MYH9: variants seen among roughly 807,000 people sequenced by gnomAD.
MYH9 encodes the protein myosin-9.
A neutral mutation model predicts 241.9 loss-of-function variants in MYH9; 29 were observed. The ratio of observed to expected loss-of-function variants is 0.12; its 90% CI spans 0.09 to 0.16. MYH9 has a LOEUF of 0.16. Among genes scored for constraint, MYH9 ranks in the 10% least tolerant of loss-of-function variants. The pLI is 1.00. For missense variants in MYH9, 1,803 were observed against 2,595.5 expected (o/e 0.69, Z 6.63); for synonymous variants, 1,047 against 1,062.6 (o/e 0.99, Z 0.29).
At chr22:36,377,106 T>G (rs2018180880) in intron 1 of MYH9, among the ~76,000 whole-genome samples, 2 of 151,352 alleles carry the variant, frequency 1.3e-5, no homozygotes, top group East Asian at 3.9e-4. Context: ...TGAACCCCAT[T>G]TGTGCAATAA....
In MYH9 at chr22:36,320,934, A is replaced by C. The variant is rs751481219; in HGVS notation, c.770-38T>G. On this transcript the variant is annotated intron_variant, in intron 7 of 40. Coordinates refer to ENST00000216181, the MANE Select transcript of MYH9 (RefSeq NM_002473.6). The surrounding 1 kb of genome is among the most constrained non-coding windows in gnomAD (Gnocchi z 4.8). ...TAAGGAGCAACACAAGCTGGGGAGA[A>C]GGCAAGCCCTCCACTTTCCTCATTT... 1.3e-5 allele frequency: 20 copies of C among 1,562,562 alleles called. No homozygotes were observed. Among genetic ancestry groups the C allele is most frequent in the Admixed American group, 1.7e-5 (1 of 59,356 alleles).
chr22:36,301,793 G>T, intron 20 of MYH9, 128 bp from the exon 21 acceptor site: 1 of 1,315,802 alleles, frequency 7.6e-7, no homozygotes, highest in Non-Finnish European at 1.1e-6. Context: ...CTGTGGTGGG[G>T]GCTGCAAGCA....
intron 1 of MYH9, among the ~76,000 whole-genome samples, chr22:36,368,749 G>A (rs2018047557): frequency 6.6e-6 from 1 of 152,064 alleles, no homozygotes; most frequent in Non-Finnish European, 1.5e-5. Flanking sequence ...TAATAAGCCT[G>A]GAGTTGTCTC....
chr22:36,342,142 G>A (rs570305809), intron 2 of MYH9, among the ~76,000 whole-genome samples: 17 of 152,288 alleles, frequency 1.1e-4, no homozygotes, highest in African/African-American at 4.1e-4. Context: ...CACGTCCCCC[G>A]TGAGCCTTCT....
At chr22:36,357,909 T>C (rs2017880568) in intron 1 of MYH9, among the ~76,000 whole-genome samples, 2 of 152,200 alleles carry the variant, frequency 1.3e-5, no homozygotes, top group Non-Finnish European at 1.5e-5. Context: ...CAGAAGAGAC[T>C]GATGTGCCTC....
rs570613556 is a variant in MYH9, at chr22:36,303,910, C to T, written c.2390+85G>A. On this transcript the variant is annotated intron_variant, in intron 19 of 40. Transcript: ENST00000216181. ...CTGACAGGCATGTGACTGGCTGCAG[C>T]GGGGTGGCCTGCTAAGTGCCCTTTG... The T allele has an allele frequency of 2.4e-4, 365 of 1,512,744 alleles. 3 individuals carry two copies. The South Asian group carries it at 3.5e-3, about 14-fold the overall frequency. The allele number at this position is 1,512,744 out of a possible 1,614,324, so 93.7% of individuals were successfully genotyped here.
chr22:36,377,547 C>T (rs1390800650), intron 1 of MYH9, among the ~76,000 whole-genome samples: 6 of 152,184 alleles, frequency 3.9e-5, no homozygotes, highest in Non-Finnish European at 8.8e-5. Flanking sequence ...CCAGCAGGTT[C>T]CTCAGTCATC....
rs146797524 is a variant in MYH9 at position 36,351,883 on chromosome 22, G to A, written c.-19-2628C>T. On this transcript the variant is annotated intron_variant, in intron 1 of 40. Coordinates refer to ENST00000216181, the MANE Select transcript of MYH9 (RefSeq NM_002473.6). ...CGGTGCCCCTCACGAGACTCCTACC[G>A]AGAGCAGAAGGGGCAGGGGATGGTT... Among the ~76,000 whole-genome samples the A allele has an allele frequency of 5.5e-4, 83 of 152,110 alleles. 1 individual carries two copies. Among genetic ancestry groups the A allele is most frequent in the African/African-American group, 1.8e-3 (73 of 41,468 alleles).
intron 1 of MYH9, among the ~76,000 whole-genome samples, chr22:36,368,909 G>A (rs1330662000): frequency 6.9e-6 from 1 of 145,666 alleles, no homozygotes; most frequent in Non-Finnish European, 1.5e-5. Context: ...CAGAAGTAAG[G>A]CAAGGGGGTG....
chr22:36,353,862 C>T (rs1383679311), intron 1 of MYH9, among the ~76,000 whole-genome samples: 1 of 152,076 alleles, frequency 6.6e-6, no homozygotes, highest in Non-Finnish European at 1.5e-5. Context: ...TTGTATTTTC[C>T]TTACTTACTG....
intron 24 of MYH9, 114 bp downstream of exon 24, chr22:36,298,805 G>T: frequency 6.7e-7 from 1 of 1,495,240 alleles, no homozygotes; most frequent in Non-Finnish European, 9.2e-7. Flanking sequence ...GTGTGACCCA[G>T]GCTCACCCGT....
At chr22:36,371,778 G>A (rs145976632) in intron 1 of MYH9, among the ~76,000 whole-genome samples, 45 of 151,976 alleles carry the variant, frequency 3.0e-4, no homozygotes, top group African/African-American at 9.4e-4. Context: ...CAGGTGATCC[G>A]CCCGCCTCGG....
At chr22:36,341,988 C>T (rs937323708) in intron 2 of MYH9, among the ~76,000 whole-genome samples, 1 of 152,264 alleles carries the variant, frequency 6.6e-6, no homozygotes, top group Admixed American at 6.5e-5. Context: ...GTGAAGCTTA[C>T]ACCTTTCTAG....
chr22:36,355,737 T>A (rs987348439), intron 1 of MYH9, among the ~76,000 whole-genome samples: 1 of 152,148 alleles, frequency 6.6e-6, no homozygotes, highest in African/African-American at 2.4e-5. Flanking sequence ...GCACAAAACC[T>A]AGGGTCAGAC....
intron 40 of MYH9, 67 bp from the exon 41 acceptor site, chr22:36,282,852 C>T: frequency 1.5e-6 from 2 of 1,364,786 alleles, no homozygotes; most frequent in Non-Finnish European, 2.0e-6. Context: ...ACAGCACAGC[C>T]CACACATCTC....
At chr22:36,302,281 A>G (rs2016890720) in intron 20 of MYH9, 1 of 369,988 alleles carries the variant, frequency 2.7e-6, no homozygotes, top group Admixed American at 3.9e-5. Context: ...GACAAGTTTA[A>G]AAATAAAGAG....
chr22:36,304,923 G>A, intron 18 of MYH9, 110 bp downstream of exon 18: 1 of 1,104,232 alleles, frequency 9.1e-7, no homozygotes, highest in Admixed American at 1.7e-5. Context: ...AAGGGACACA[G>A]CCTGGGCATC....
In MYH9 at chr22:36,295,396, G is replaced by A. The variant is rs2016772073; in HGVS notation, c.3485+109C>T. The stretch of plus-strand genomic sequence containing the variant: ...TCCATGCCTGCTGGTGCCTAAGAGG[G>A]CCACGGTGTGTGTGTGTGTGTGTGT... On this transcript the variant is annotated intron_variant, in intron 26 of 40. Coordinates refer to ENST00000216181, the MANE Select transcript of MYH9 (RefSeq NM_002473.6). This position sits in a 1 kb window ranked among gnomAD's most constrained non-coding sequence, Gnocchi z 4.1. 1 of 919,870 alleles carries A rather than the reference G, an allele frequency of 1.1e-6. No homozygotes were observed. Among genetic ancestry groups the A allele is most frequent in the African/African-American group, 1.6e-5 (1 of 60,694 alleles). 57.0% of individuals were successfully genotyped at this position (919,870 alleles called of 1,614,324 possible).
In MYH9 at chr22:36,305,274, G is replaced by A. The variant is rs939864527; in HGVS notation, c.2160-172C>T. On this transcript the variant is annotated intron_variant, in intron 17 of 40. Coordinates refer to ENST00000216181, the MANE Select transcript of MYH9 (RefSeq NM_002473.6). The surrounding 1 kb of genome is among the most constrained non-coding windows in gnomAD (Gnocchi z 4.7). ...CAAATCCCACCCCACTCTTTTCTTC[G>A]GCTGAATGAGACAAGGAAGCCTTGG... 2.0e-5 allele frequency among the ~76,000 whole-genome samples: 3 copies of A among 152,136 alleles called. No homozygotes were observed. The highest frequency in any genetic ancestry group is 4.8e-5 in the African/African-American group (2 of 41,420).
Sources: allele counts gnomAD v4.1 joint callset (sites outside exome capture counted in the v4.1 genomes callset), GRCh38; gene constraint gnomAD v4.1.1; non-coding constraint Gnocchi (gnomAD v3.1); transcripts MANE v1.5; gene names NCBI Gene and HGNC (gene_info 2026-07-23, HGNC 2026-07-21).